CNTN5: variants seen among roughly 807,000 people sequenced by gnomAD.
The protein encoded by CNTN5 is contactin-5.
CNTN5 carries 77 observed loss-of-function variants against 129.1 expected under a neutral mutation model. The observed-to-expected ratio is 0.60, with a 90% CI of 0.50 to 0.72. The LOEUF is 0.72. Ranked by LOEUF, CNTN5 falls within the 30% of genes least tolerant of loss-of-function variation. The pLI is 0.00. For missense variants in CNTN5, 1,478 were observed against 1,328.8 expected, an observed-to-expected ratio of 1.11 and a Z score of -1.75; for synonymous variants, 509 against 465.6, an observed-to-expected ratio of 1.09 and a Z score of -1.20.
chr11:99,093,001 A>G (rs1335456708), intron 1 of CNTN5, among the ~76,000 whole-genome samples: 2 of 152,010 alleles, frequency 1.3e-5, no homozygotes, highest in Non-Finnish European at 2.9e-5. Flanking sequence ...TTCATTGCTT[A>G]TTTATTTTAT....
At chr11:99,596,419 C>G (rs1351270522) in intron 3 of CNTN5, among the ~76,000 whole-genome samples, 1 of 152,096 alleles carries the variant, frequency 6.6e-6, no homozygotes, top group Non-Finnish European at 1.5e-5. Context: ...CAGCAAACTA[C>G]CAAGGGCTAC....
At chr11:99,854,463 C>A (rs934103283) in intron 6 of CNTN5, among the ~76,000 whole-genome samples, 2 of 151,908 alleles carry the variant, frequency 1.3e-5, no homozygotes, top group African/African-American at 4.8e-5. Context: ...GTAAAAAGGG[C>A]TTGAATTCTC....
chr11:100,283,779 C>G (rs1476854205), intron 18 of CNTN5, among the ~76,000 whole-genome samples: 1 of 151,990 alleles, frequency 6.6e-6, no homozygotes, highest in Non-Finnish European at 1.5e-5. Context: ...AACATCGTCT[C>G]TACTGAAAAT....
chr11:99,564,801 A>C (rs1228543933), intron 3 of CNTN5, among the ~76,000 whole-genome samples: 1 of 152,136 alleles, frequency 6.6e-6, no homozygotes, highest in Non-Finnish European at 1.5e-5. Flanking sequence ...ACGGTCCAGG[A>C]TTTATCTACT....
intron 23 of CNTN5, among the ~76,000 whole-genome samples, chr11:100,343,666 A>G (rs755109344): frequency 2.0e-5 from 3 of 152,152 alleles, no homozygotes; most frequent in Non-Finnish European, 2.9e-5. Flanking sequence ...CCGTCTTCTG[A>G]GTATGACGTT....
At chr11:99,500,986 C>T (rs907624740) in intron 2 of CNTN5, among the ~76,000 whole-genome samples, 3 of 152,082 alleles carry the variant, frequency 2.0e-5, no homozygotes, top group Non-Finnish European at 2.9e-5. Flanking sequence ...TTTGTGTGCA[C>T]AGTGAAGATC....
chr11:100,309,704 G>A (rs926120492), intron 21 of CNTN5: 1 of 984,878 alleles, frequency 1.0e-6, no homozygotes, highest in Non-Finnish European at 1.2e-6. Flanking sequence ...ATGAATAAAT[G>A]TTTGTGTGGC....
chr11:99,433,526 A>G (rs1209022159), intron 2 of CNTN5, among the ~76,000 whole-genome samples: 2 of 152,050 alleles, frequency 1.3e-5, no homozygotes, highest in Admixed American at 6.6e-5. Flanking sequence ...AGTATTAAAG[A>G]TATTTATTAT....
intron 3 of CNTN5, among the ~76,000 whole-genome samples, chr11:99,586,302 C>T (rs781010199): frequency 6.6e-6 from 1 of 152,092 alleles, no homozygotes; most frequent in Non-Finnish European, 1.5e-5. Flanking sequence ...AAATCTCAAA[C>T]TTCTCAGCAT....
chr11:100,094,199 C>A (rs1290446613), intron 13 of CNTN5, among the ~76,000 whole-genome samples: 1 of 152,074 alleles, frequency 6.6e-6, no homozygotes, highest in Non-Finnish European at 1.5e-5. Flanking sequence ...ATGCGGAAAT[C>A]TTATCAGCTA....
At chr11:100,167,762 T>C (rs1457247762) in intron 13 of CNTN5, among the ~76,000 whole-genome samples, 1 of 151,860 alleles carries the variant, frequency 6.6e-6, no homozygotes, top group Non-Finnish European at 1.5e-5. Context: ...AAAAGATAGA[T>C]GGCAGTAGTG....
chr11:99,768,034 A>T (rs1024553749), intron 3 of CNTN5, among the ~76,000 whole-genome samples: 4 of 152,094 alleles, frequency 2.6e-5, no homozygotes, highest in African/African-American at 9.7e-5. Flanking sequence ...CCATTTATTT[A>T]TGTATTGTCT....
At chr11:99,522,256 T>G (rs1442258452) in intron 2 of CNTN5, among the ~76,000 whole-genome samples, 1 of 152,142 alleles carries the variant, frequency 6.6e-6, no homozygotes, top group Non-Finnish European at 1.5e-5. Context: ...AAATACCATC[T>G]TTTAGATTAC....
intron 8 of CNTN5, among the ~76,000 whole-genome samples, chr11:99,998,201 G>A (rs1024793994): frequency 6.6e-6 from 1 of 151,920 alleles, no homozygotes; most frequent in African/African-American, 2.4e-5. Flanking sequence ...ATTAGGAAAA[G>A]AGGAAGTCAA....
intron 1 of CNTN5, among the ~76,000 whole-genome samples, chr11:99,109,810 C>T (rs570719105): frequency 6.6e-6 from 1 of 152,056 alleles, no homozygotes; most frequent in Non-Finnish European, 1.5e-5. Flanking sequence ...TCAGTCATAG[C>T]AAAACCTCTA....
intron 8 of CNTN5, among the ~76,000 whole-genome samples, chr11:99,963,784 C>A (rs912824094): frequency 3.0e-4 from 45 of 152,114 alleles, no homozygotes; most frequent in African/African-American, 1.1e-3. Flanking sequence ...TTCTTCCTAC[C>A]CATGAGCATG....
intron 6 of CNTN5, among the ~76,000 whole-genome samples, chr11:99,856,183 G>A (rs1254263267): frequency 6.6e-6 from 1 of 152,114 alleles, no homozygotes; most frequent in African/African-American, 2.4e-5. Flanking sequence ...TTTGTTTTGA[G>A]TCTAATTCAG....
intron 2 of CNTN5, among the ~76,000 whole-genome samples, chr11:99,359,875 C>T (rs1327535586): frequency 6.6e-6 from 1 of 151,852 alleles, no homozygotes; most frequent in East Asian, 1.9e-4. Context: ...GTAACTGAAA[C>T]CAAGTATATA....
At chr11:100,029,367 G>A (rs1941588593) in intron 9 of CNTN5, among the ~76,000 whole-genome samples, 3 of 152,166 alleles carry the variant, frequency 2.0e-5, no homozygotes, top group Admixed American at 2.0e-4. Context: ...TGGATCATGA[G>A]GTCAGGAGAT....
Sources: allele counts gnomAD v4.1 joint callset (sites outside exome capture counted in the v4.1 genomes callset), GRCh38; gene constraint gnomAD v4.1.1; transcripts MANE v1.5; gene names NCBI Gene and HGNC (gene_info 2026-07-23, HGNC 2026-07-21).